CSMD2: variants seen among roughly 807,000 people sequenced by gnomAD.
The protein encoded by CSMD2 is CUB and sushi domain-containing protein 2.
In CSMD2, 130 loss-of-function variants were observed where a neutral mutation model predicts 398.5. The observed-to-expected ratio is 0.33, with a 90% CI of 0.28 to 0.38. The LOEUF is 0.38. Among genes scored for constraint, CSMD2 ranks in the 10% least tolerant of loss-of-function variants. The probability of loss-of-function intolerance (pLI) is 1.00; values close to 1 mark genes in which losing one functional copy is unlikely to be tolerated. For missense variants in CSMD2, 3,829 were observed against 4,764.9 expected (o/e 0.80, Z 5.78); for synonymous variants, 1,828 against 1,908.5 (o/e 0.96, Z 1.10).
intron 12 of CSMD2, among the ~76,000 whole-genome samples, chr1:33,774,184 T>C (rs1329672102): frequency 6.6e-6 from 1 of 151,866 alleles, no homozygotes; most frequent in Non-Finnish European, 1.5e-5. Flanking sequence ...TCCTCCCCTT[T>C]GTGCAGGGGA....
intron 24 of CSMD2, among the ~76,000 whole-genome samples, chr1:33,698,541 T>C (rs1571261279): frequency 6.6e-6 from 1 of 152,238 alleles, no homozygotes; most frequent in East Asian, 1.9e-4. Flanking sequence ...GCCACCCGCC[T>C]GACTGCACTG....
chr1:33,618,468 T>C (rs1254583091), intron 37 of CSMD2, among the ~76,000 whole-genome samples: 2 of 152,186 alleles, frequency 1.3e-5, no homozygotes, highest in Admixed American at 6.5e-5. Context: ...TTCTAAGGAC[T>C]TTCATGATCT....
chr1:33,809,847 C>T (rs1216871019), intron 10 of CSMD2, among the ~76,000 whole-genome samples: 2 of 152,000 alleles, frequency 1.3e-5, no homozygotes, highest in African/African-American at 4.8e-5. Context: ...AAATCAATTG[C>T]ATTTCTAAAC....
chr1:33,567,460 GAA>G (rs11330003), intron 53 of CSMD2, 131 bp downstream of exon 53: 30 of 398,446 alleles, frequency 7.5e-5, no homozygotes, highest in Non-Finnish European at 1.1e-4. Flanking sequence ...TTTCAGTTTT[GAA>G]AAAAAAAATA....
intron 5 of CSMD2, among the ~76,000 whole-genome samples, chr1:33,904,772 G>A (rs1022089575): frequency 6.6e-6 from 1 of 152,056 alleles, no homozygotes; most frequent in Non-Finnish European, 1.5e-5. Flanking sequence ...CCATTCTCCT[G>A]AGTAGCTAGG....
intron 26 of CSMD2, 138 bp downstream of exon 26, chr1:33,662,752 C>A (rs539945510): frequency 1.2e-6 from 1 of 850,562 alleles, no homozygotes; most frequent in Non-Finnish European, 2.0e-6. Flanking sequence ...CAGGTGCTAA[C>A]CATGTACCAG....
At chr1:33,835,834 T>C (rs1427681641) in intron 6 of CSMD2, among the ~76,000 whole-genome samples, 1 of 152,170 alleles carries the variant, frequency 6.6e-6, no homozygotes, top group Non-Finnish European at 1.5e-5. Context: ...CATCATAGTT[T>C]AATCATCTGA....
rs778997179 is a variant in CSMD2 at position 33,571,574 on chromosome 1, T to C, written c.7915A>G (p.Asn2639Asp). 6.5e-7 allele frequency: 1 copy of C among 1,536,396 alleles called. No individual in the cohort carries two copies. The highest frequency in any genetic ancestry group is 1.3e-5 in the South Asian group (1 of 78,760). ...TGQRVIRCQA[N>D]GKWSLGDSTP... ...GAGTCCCCGAGGCTCCATTTGCCATTGGCCTGACAGCGGATGACCCTTTGG... is the reference window on the plus strand; with the variant it reads ...GAGTCCCCGAGGCTCCATTTGCCATCGGCCTGACAGCGGATGACCCTTTGG... The change falls in exon 51 of 71, where the codon AAT (asparagine) becomes GAT (aspartate). Residue 2639 changes from asparagine to aspartate, a missense_variant. By Grantham distance (23) the Asn-to-Asp change is conservative (BLOSUM62 1). Transcript: ENST00000373381.
At chr1:33,680,058 C>T (rs1299036007) in intron 25 of CSMD2, among the ~76,000 whole-genome samples, 4 of 151,174 alleles carry the variant, frequency 2.6e-5, no homozygotes, top group African/African-American at 9.7e-5. Flanking sequence ...GTAGCTGGGG[C>T]TACAGGTGCC....
intron 3 of CSMD2, among the ~76,000 whole-genome samples, chr1:33,965,007 T>C (rs895928432): frequency 1.3e-5 from 2 of 152,234 alleles, no homozygotes; most frequent in African/African-American, 4.8e-5. Context: ...CTCAGGAATT[T>C]ACTATTCTTC....
intron 44 of CSMD2, chr1:33,600,379 A>C (rs762235372): frequency 3.4e-5 from 20 of 581,082 alleles, no homozygotes; most frequent in Non-Finnish European, 5.8e-5. Context: ...TTGTAGAAGA[A>C]AACAGGCTGC....
In CSMD2 at chr1:33,519,503, G is replaced by T; in HGVS notation, c.*15C>A. ...CGGGGCTCTCGGTGGCGGTGGTGGC[G>T]GCCAGGCCGGGTGGCTATACTGCTG... On this transcript the variant is annotated 3_prime_UTR_variant, in exon 70 of 71. Coordinates refer to ENST00000373381, the MANE Select transcript of CSMD2 (RefSeq NM_001281956.2). The surrounding 1 kb of genome is among the most constrained non-coding windows in gnomAD (Gnocchi z 5.6). The T allele has an allele frequency of 1.3e-6, 2 of 1,595,094 alleles. No individual in the cohort carries two copies. The highest frequency in any genetic ancestry group is 1.1e-5 in the South Asian group (1 of 89,826).
At chr1:33,695,703 T>C (rs2149106054) in intron 24 of CSMD2, among the ~76,000 whole-genome samples, 1 of 152,300 alleles carries the variant, frequency 6.6e-6, no homozygotes, top group East Asian at 1.9e-4. Flanking sequence ...TGCAAACAAG[T>C]CACTGCTTGC....
Position 33,571,674 on chromosome 1 carries a change from C to A in CSMD2, c.7815G>T (p.Arg2605Ser). 1 of 1,577,206 alleles carries A rather than the reference C, an allele frequency of 6.3e-7. No individual in the cohort carries two copies. The highest frequency in any genetic ancestry group is 1.2e-5 in the South Asian group (1 of 84,530). The stretch of plus-strand genomic sequence containing the variant: ...ACTGATACTGTGTCTCAAAGATAAG[C>A]CTCCATCGGCCATGCTCCACGCTGA... ...SSISVEHGRWRLIFETQYQFQ... is the reference protein window; with the variant it reads ...SSISVEHGRWSLIFETQYQFQ... The change falls in exon 51 of 71, where the codon AGG (arginine) becomes AGT (serine). Residue 2605 changes from arginine (R) to serine (S), a missense_variant. Coordinates refer to ENST00000373381, the MANE Select transcript of CSMD2 (RefSeq NM_001281956.2).
chr1:33,841,030 T>C (rs1390116446), intron 6 of CSMD2, among the ~76,000 whole-genome samples: 1 of 152,226 alleles, frequency 6.6e-6, no homozygotes, highest in Non-Finnish European at 1.5e-5. Context: ...TAAATGCAAA[T>C]GTTTTCAAAT....
chr1:33,832,865 A>G (rs535251128), intron 6 of CSMD2, among the ~76,000 whole-genome samples: 2 of 152,366 alleles, frequency 1.3e-5, no homozygotes, highest in East Asian at 3.9e-4. Context: ...AGAGAATACT[A>G]CAAACATTTC....
intron 55 of CSMD2, among the ~76,000 whole-genome samples, chr1:33,550,680 G>A (rs1570702005): frequency 2.0e-5 from 3 of 152,156 alleles, no homozygotes; most frequent in Non-Finnish European, 4.4e-5. Flanking sequence ...AAGGTGGTAC[G>A]CAGAGTATAC....
At chr1:34,019,471 G>A (rs1648583525) in intron 3 of CSMD2, among the ~76,000 whole-genome samples, 1 of 152,118 alleles carries the variant, frequency 6.6e-6, no homozygotes, top group Admixed American at 6.5e-5. Context: ...TCCACGTAGA[G>A]GGCATTCCTT....
chr1:33,827,259 G>A (rs975394784), intron 6 of CSMD2, among the ~76,000 whole-genome samples: 4 of 152,162 alleles, frequency 2.6e-5, no homozygotes, highest in Non-Finnish European at 4.4e-5. Context: ...ATGTCTTCTA[G>A]AGTAAAAGTC....
Sources: allele counts gnomAD v4.1 joint callset (sites outside exome capture counted in the v4.1 genomes callset), GRCh38; gene constraint gnomAD v4.1.1; non-coding constraint Gnocchi (gnomAD v3.1); transcripts MANE v1.5; gene names NCBI Gene and HGNC (gene_info 2026-07-23, HGNC 2026-07-21).